CROCC: variants seen among roughly 807,000 people sequenced by gnomAD.
CROCC encodes the protein ciliary rootlet coiled-coil, rootletin, also known as rootletin.
Under a neutral mutation model 245.2 loss-of-function variants are expected in CROCC, and 180 were observed. That is an observed-to-expected ratio of 0.73 (90% CI 0.65 to 0.83). CROCC has a LOEUF of 0.83. Among genes scored for constraint, CROCC ranks in the 40% least tolerant of loss-of-function variants. The pLI is 0.00. For synonymous variants in CROCC, 1,205 were observed against 1,241.6 expected (o/e 0.97, Z 0.62); for missense variants, 2,688 against 2,779.4 (o/e 0.97, Z 0.74).
At chr1:16,926,323 G>A (rs1392490900) in intron 3 of CROCC, among the ~76,000 whole-genome samples, 1 of 152,262 alleles carries the variant, frequency 6.6e-6, no homozygotes, top group African/African-American at 2.4e-5. Context: ...AGTAAGTCCG[G>A]GAGAGGGGCA....
At position 16,922,794 on chromosome 1, in the gene CROCC, C is replaced by T. The variant is rs1172441561; in HGVS notation, c.192C>T (p.Ser64=). The change falls in exon 2 of 37, where the codon AGC becomes AGT. Residue 64 remains serine (S), a synonymous_variant. Coordinates refer to ENST00000375541, the MANE Select transcript of CROCC (RefSeq NM_014675.5). ...CCCGCAACCTCTCCCAGCCTGAGAGCCCAGGTGCCACCCCCATCCGCTCCC... is the reference window on the plus strand; with the variant it reads ...CCCGCAACCTCTCCCAGCCTGAGAGTCCAGGTGCCACCCCCATCCGCTCCC... ...IVTRNLSQPE[S]PVLLPATEMA... The T allele has an allele frequency of 1.9e-6, 3 of 1,611,888 alleles. No homozygotes were observed. Among genetic ancestry groups the T allele is most frequent in the Non-Finnish European group, 2.5e-6 (3 of 1,179,414 alleles).
In CROCC at chr1:16,966,688, A is replaced by T; in HGVS notation, c.4860+117A>T. 1 of 1,204,800 alleles carries T rather than the reference A, an allele frequency of 8.3e-7. No individual in the cohort carries two copies. The highest frequency in any genetic ancestry group is 1.1e-6 in the Non-Finnish European group (1 of 902,882). The allele number at this position is 1,204,800 out of a possible 1,614,324, so 74.6% of individuals were successfully genotyped here. On this transcript the variant is annotated intron_variant, in intron 30 of 36. Coordinates refer to ENST00000375541, the MANE Select transcript of CROCC (RefSeq NM_014675.5). The surrounding 1 kb of genome is among the most constrained non-coding windows in gnomAD (Gnocchi z 4.8). ...GCCTGAGTCTCTCTGCAACCCACTG[A>T]GGTGACCAGCCTGTGACTCTGTGAA...
At chr1:16,950,090 TCTCA>T (rs1434932774) in intron 19 of CROCC, among the ~76,000 whole-genome samples, 1 of 151,188 alleles carries the variant, frequency 6.6e-6, no homozygotes, top group African/African-American at 2.4e-5. Flanking sequence ...TGAGACAGAG[TCTCA>T]CTCTTGTTGC....
At position 16,930,114 on chromosome 1, in the gene CROCC, C is replaced by T. The variant is rs1320661730; in HGVS notation, c.538-10C>T. 2 of 1,587,156 alleles carry T rather than the reference C, an allele frequency of 1.3e-6. No individual in the cohort carries two copies. Among genetic ancestry groups the T allele is most frequent in the Admixed American group, 1.8e-5 (1 of 55,790 alleles). On this transcript the variant is annotated splice_polypyrimidine_tract_variant and intron_variant, in intron 4 of 36. Coordinates refer to ENST00000375541, the MANE Select transcript of CROCC (RefSeq NM_014675.5). The stretch of plus-strand genomic sequence containing the variant: ...ACCCCTGGGGCTCACCATCAGCTCC[C>T]CATCCCCAGATTCTCCAGTACAAGA...
intron 3 of CROCC, among the ~76,000 whole-genome samples, chr1:16,928,831 AAAAT>A (rs759508292): frequency 5.3e-5 from 8 of 151,950 alleles, no homozygotes; most frequent in African/African-American, 9.7e-5. Context: ...AATAAAATAA[AAAAT>A]AAATAAATAA....
At chr1:16,934,112 T>C (rs1427202868) in intron 8 of CROCC, among the ~76,000 whole-genome samples, 1 of 152,278 alleles carries the variant, frequency 6.6e-6, no homozygotes, top group Non-Finnish European at 1.5e-5. Flanking sequence ...GATGCCCCTA[T>C]GCCAGCTGTC....
At chr1:16,961,563 C>T (rs900918354) in intron 27 of CROCC, among the ~76,000 whole-genome samples, 2 of 151,966 alleles carry the variant, frequency 1.3e-5, no homozygotes, top group African/African-American at 4.8e-5. Context: ...AGCCACGGCA[C>T]CCGGTCTAGG....
chr1:16,943,634 G>A (rs2075981781), intron 13 of CROCC, among the ~76,000 whole-genome samples: 1 of 152,292 alleles, frequency 6.6e-6, no homozygotes, highest in South Asian at 2.1e-4. Context: ...TGGGGTCCCA[G>A]TTGTTCCCTT....
rs372198637 is a variant in CROCC at position 16,940,133 on chromosome 1, G to T, written c.1808+40G>T. ...TGAGCTGGGGGGTACTGAAGAATAA[G>T]TCACCGTCTGGGCATAACACCAGTC... is the stretch of plus-strand genomic sequence containing the variant. On this transcript the variant is annotated intron_variant, in intron 13 of 36. Coordinates refer to ENST00000375541, the MANE Select transcript of CROCC (RefSeq NM_014675.5). 879 of 1,557,270 alleles carry T rather than the reference G, an allele frequency of 5.6e-4. 3 individuals carry two copies. The South Asian group carries it at 9.8e-3, about 17-fold the overall frequency.
In CROCC at chr1:16,955,464, C is replaced by T. The variant is rs61675834; in HGVS notation, c.3618C>T (p.Gly1206=). Residue 1206 remains glycine, a synonymous_variant, in exon 24 of 37, where the codon GGC becomes GGT. Transcript: ENST00000375541. ...CAGGCGAGCTGCGACGCAGCCTGGG[C>T]GAGGGTGCCAAGGAGCGCGAGGCCC... is the stretch of plus-strand genomic sequence containing the variant. The part of the protein sequence containing the change: ...QEAGELRRSL[G]EGAKEREALR... The T allele has an allele frequency of 9.1e-4, 1,451 of 1,590,702 alleles. 17 individuals carry two copies. In the African/African-American group the frequency reaches 0.018, roughly 20 times the overall value.
At chr1:16,914,120 C>A (rs1375443487) in intron 1 of CROCC, among the ~76,000 whole-genome samples, 2 of 151,272 alleles carry the variant, frequency 1.3e-5, no homozygotes, top group African/African-American at 4.8e-5. Flanking sequence ...GCAGCGGCTG[C>A]GGCGAAGGCG....
Position 16,946,983 on chromosome 1 carries a change from C to A in CROCC, c.2506C>A (p.Leu836Ile). 1 of 1,551,928 alleles carries A rather than the reference C, an allele frequency of 6.4e-7. No homozygotes were observed. Among genetic ancestry groups the A allele is most frequent in the Non-Finnish European group, 8.7e-7 (1 of 1,148,528 alleles). ...RHERSQLQEQ[L>I]AQLSRQLSGR... Reference sequence around the variant, plus strand: ...TGAGCGCAGCCAGCTGCAGGAGCAGCTAGCGCAGGTGGGCAAAGCTGTGTG... The same window carrying A: ...TGAGCGCAGCCAGCTGCAGGAGCAGATAGCGCAGGTGGGCAAAGCTGTGTG... Residue 836 changes from leucine to isoleucine, a missense_variant, in exon 17 of 37, where the codon CTA becomes ATA. Coordinates refer to ENST00000375541, the MANE Select transcript of CROCC (RefSeq NM_014675.5).
intron 2 of CROCC, among the ~76,000 whole-genome samples, chr1:16,923,294 A>C (rs2075450874): frequency 6.6e-6 from 1 of 152,280 alleles, no homozygotes; most frequent in Non-Finnish European, 1.5e-5. Context: ...ACTCAGTTGC[A>C]GCTGGTGTGC....
rs564408890 is a variant in CROCC at position 16,946,782 on chromosome 1, C to G, written c.2305C>G (p.Leu769Val). ...CCAGCTGGAGGAAGAAAAGTCCGCC[C>G]TGCAGGGCCGGCAACGGCAGGCAGA... is the stretch of plus-strand genomic sequence containing the variant. Reference protein sequence around the residue: ...VAQLEEEKSALQGRQRQAEQE... With the variant: ...VAQLEEEKSAVQGRQRQAEQE... The change falls in exon 17 of 37, where the codon CTG (leucine) becomes GTG (valine). Residue 769 changes from leucine to valine, a missense_variant. Around this residue, in one of 9 missense-constraint regions of CROCC, gnomAD observed 295 missense variants for 241.7 expected, o/e 1.22. Transcript: ENST00000375541. The G allele has an allele frequency of 3.2e-6, 5 of 1,551,788 alleles. No individual in the cohort carries two copies. Among genetic ancestry groups the G allele is most frequent in the Non-Finnish European group, 4.4e-6 (5 of 1,147,150 alleles).
Position 16,938,917 on chromosome 1 carries a change from G to T in CROCC, c.1383G>T (p.Leu461Phe), listed in dbSNP as rs1341014761. The T allele has an allele frequency of 6.2e-6, 10 of 1,603,432 alleles. No homozygotes were observed. Among genetic ancestry groups the T allele is most frequent in the Non-Finnish European group, 7.6e-6 (9 of 1,177,162 alleles). Reference sequence around the variant, plus strand: ...CCCTCCCCCACCCTCAGGCCGTCTTGTCAGACTCTGAGAGCGGCGTCCAGC... The same window carrying T: ...CCCTCCCCCACCCTCAGGCCGTCTTTTCAGACTCTGAGAGCGGCGTCCAGC... ...QTLRDLAQAV[L>F]SDSESGVQLS... The change falls in exon 12 of 37, where the codon TTG (leucine) becomes TTT (phenylalanine). Residue 461 changes from leucine to phenylalanine, a missense_variant. Physicochemically the swap from Leu to Phe is conservative, Grantham distance 22. Coordinates refer to ENST00000375541, the MANE Select transcript of CROCC (RefSeq NM_014675.5).
At position 16,955,504 on chromosome 1, in the gene CROCC, G is replaced by A. The variant is rs1432024590; in HGVS notation, c.3658G>A (p.Glu1220Lys). Residue 1220 changes from glutamate (E) to lysine (K), a missense_variant, in exon 24 of 37, where the codon GAG becomes AAG. By Grantham distance (56) the Glu-to-Lys change is moderately conservative. Around this residue, in one of 9 missense-constraint regions of CROCC, gnomAD observed 1,218 missense variants for 1,286.3 expected, o/e 0.95. Coordinates refer to ENST00000375541, the MANE Select transcript of CROCC (RefSeq NM_014675.5). ...KEREALRRSN[E>K]ELRSAVKKAE... ...GCGCGAGGCCCTGCGGCGTTCCAAT[G>A]AGGAGCTTCGGTCTGCTGTGAAGAA... 6.3e-7 allele frequency: 1 copy of A among 1,575,198 alleles called. No individual in the cohort carries two copies. The highest frequency in any genetic ancestry group is 8.6e-7 in the Non-Finnish European group (1 of 1,164,666).
chr1:16,922,831 C>G, intron 2 of CROCC, 33 bp downstream of exon 2: 1 of 1,600,954 alleles, frequency 6.2e-7, no homozygotes, highest in Non-Finnish European at 8.5e-7. Flanking sequence ...TCCACAAACA[C>G]CACCCACATT....
chr1:16,965,361 A>ATT (rs2076400107), intron 27 of CROCC, among the ~76,000 whole-genome samples: 1 of 151,680 alleles, frequency 6.6e-6, no homozygotes, highest in African/African-American at 2.4e-5. Context: ...CAGACATCAG[A>ATT]CCCCGCTGAG....
At chr1:16,932,215 G>A (rs1445746130) in intron 8 of CROCC, among the ~76,000 whole-genome samples, 9 of 152,230 alleles carry the variant, frequency 5.9e-5, no homozygotes, top group African/African-American at 1.2e-4. Context: ...AGGCCGAGGC[G>A]GGTGGATCAC....
Sources: allele counts gnomAD v4.1 joint callset (sites outside exome capture counted in the v4.1 genomes callset), GRCh38; gene constraint gnomAD v4.1.1; regional missense constraint gnomAD v4.1.1; non-coding constraint Gnocchi (gnomAD v3.1); transcripts MANE v1.5; gene names NCBI Gene and HGNC (gene_info 2026-07-23, HGNC 2026-07-21).